Variants in HYI observed in about 807,000 individuals in gnomAD.
HYI encodes the protein putative hydroxypyruvate isomerase.
Under a neutral mutation model 39.7 loss-of-function variants are expected in HYI, and 47 were observed. That is an observed-to-expected ratio of 1.18 (90% CI 0.94 to 1.51). The LOEUF is 1.51. Ranked by LOEUF, HYI falls within the 40% of genes most tolerant of loss-of-function variation. The probability of loss-of-function intolerance (pLI) is 0.00; values close to 1 mark genes in which losing one functional copy is unlikely to be tolerated. For missense variants in HYI, 465 were observed against 370.3 expected (o/e 1.26, Z -2.10); for synonymous variants, 186 against 158.8 (o/e 1.17, Z -1.29).
Position 43,451,200 on chromosome 1 carries a change from A to C in HYI, c.*38T>G. On this transcript the variant is annotated 3_prime_UTR_variant, in exon 8 of 8. Coordinates refer to ENST00000372430, the MANE Select transcript of HYI (RefSeq NM_001190880.3). ...AATGCAGAGGAGGAGATGGGATGTC[A>C]CTCGCTGTCTGGAGGCACGTGGGTG... 1.3e-6 allele frequency: 2 copies of C among 1,584,306 alleles called. No homozygotes were observed. Among genetic ancestry groups the C allele is most frequent in the Non-Finnish European group, 1.7e-6 (2 of 1,153,010 alleles).
chr1:43,452,344 C>G, intron 2 of HYI, 25 bp from the exon 3 acceptor site: 2 of 1,546,144 alleles, frequency 1.3e-6, no homozygotes, highest in Non-Finnish European at 1.8e-6. Context: ...GACTGGAGGC[C>G]TTGCCTCCCT....
At chr1:43,453,557 C>G in intron 1 of HYI, 38 bp downstream of exon 1, 1 of 1,512,300 alleles carries the variant, frequency 6.6e-7, no homozygotes, top group Non-Finnish European at 8.9e-7. Flanking sequence ...CGCCCCGGCA[C>G]CCCCCAGCCC....
chr1:43,451,850 G>C lies in HYI; in HGVS notation c.506-3C>G. 5.0e-6 allele frequency: 8 copies of C among 1,614,086 alleles called. No individual in the cohort carries two copies. Among genetic ancestry groups the C allele is most frequent in the Non-Finnish European group, 6.8e-6 (8 of 1,179,964 alleles). The stretch of plus-strand genomic sequence containing the variant: ...TACCTTCTGTAAGATGGCTGCCGCT[G>C]TAAGAGAAGCCAGGGAGGGGACCGT... On this transcript the variant is annotated splice_polypyrimidine_tract_variant and splice_region_variant and intron_variant, in intron 4 of 7. Coordinates refer to ENST00000372430, the MANE Select transcript of HYI (RefSeq NM_001190880.3).
Position 43,451,153 on chromosome 1 carries a change from CAA to C in HYI, c.*83_*84del. 2.4e-6 allele frequency: 3 copies of C among 1,254,038 alleles called. No homozygotes were observed. The highest frequency in any genetic ancestry group is 3.5e-6 in the Non-Finnish European group (3 of 853,004). 77.7% of individuals were successfully genotyped at this position (1,254,038 alleles called of 1,614,324 possible). Reference sequence around the variant, plus strand: ...ACCACCCCATTACAGAGACATATGACAATGTTCAGCAGGTCATCTTTAATGCA... The same window carrying C: ...ACCACCCCATTACAGAGACATATGACTGTTCAGCAGGTCATCTTTAATGCA... On this transcript the variant is annotated 3_prime_UTR_variant, in exon 8 of 8. Transcript: ENST00000372430.
chr1:43,453,406 G>A lies in HYI; in HGVS notation c.291C>T (p.Ala97=), dbSNP rs545302537. ...GGTACCTGGGACAGCCCAGGGCTTT[G>A]GCATACCGCACGGCCTGCTCCAGTC... The part of the protein sequence containing the change: ...REGLEQAVRY[A]KALGCPRIHL... The change falls in exon 2 of 8, where the codon GCC becomes GCT. Residue 97 remains alanine (A), a synonymous_variant. Coordinates refer to ENST00000372430, the MANE Select transcript of HYI (RefSeq NM_001190880.3). 1.9e-6 allele frequency: 3 copies of A among 1,556,536 alleles called. No homozygotes were observed. Among genetic ancestry groups the A allele is most frequent in the Non-Finnish European group, 2.6e-6 (3 of 1,149,260 alleles).
chr1:43,453,107 C>G (rs1342303385), intron 2 of HYI: 1 of 751,560 alleles, frequency 1.3e-6, no homozygotes, highest in Admixed American at 2.0e-5. Context: ...TAGGCCTGTC[C>G]TCAAATGCAT....
At position 43,451,780 on chromosome 1, in the gene HYI, G is replaced by T. The variant is rs755090595; in HGVS notation, c.555+18C>A. 7 of 1,614,066 alleles carry T rather than the reference G, an allele frequency of 4.3e-6. No individual in the cohort carries two copies. The South Asian group carries it at 7.7e-5, about 18-fold the overall frequency. Reference sequence around the variant, plus strand: ...CCCCGCCCTCCTTCCGATCTGCGAAGTACCCCCTTCCACTTACCATTTGTA... The same window carrying T: ...CCCCGCCCTCCTTCCGATCTGCGAATTACCCCCTTCCACTTACCATTTGTA... On this transcript the variant is annotated intron_variant, in intron 5 of 7. Transcript: ENST00000372430.
Position 43,451,680 on chromosome 1 carries a change from G to C in HYI, c.593C>G (p.Thr198Arg), listed in dbSNP as rs756553934. The change falls in exon 6 of 8, where the codon ACA becomes AGA. Residue 198 changes from threonine to arginine, a missense_variant. Thr to Arg is a moderately conservative substitution (Grantham distance 71). Transcript: ENST00000372430. Reference sequence around the variant, plus strand: ...GGGCAGGAACTCCCGGATGTTTCCTGTCAGGTTCCCATCCATGATCTGCCA... The same window carrying C: ...GGGCAGGAACTCCCGGATGTTTCCTCTCAGGTTCCCATCCATGATCTGCCA... ...FHWQIMDGNLTGNIREFLPIV... is the reference protein window; with the variant it reads ...FHWQIMDGNLRGNIREFLPIV... 4.3e-6 allele frequency: 7 copies of C among 1,614,074 alleles called. No individual in the cohort carries two copies. Among genetic ancestry groups the C allele is most frequent in the South Asian group, 3.3e-5 (3 of 91,074 alleles).
chr1:43,451,193 G>A lies in HYI; in HGVS notation c.*45C>T. Reference sequence around the variant, plus strand: ...CATCTTTAATGCAGAGGAGGAGATGGGATGTCACTCGCTGTCTGGAGGCAC... The same window carrying A: ...CATCTTTAATGCAGAGGAGGAGATGAGATGTCACTCGCTGTCTGGAGGCAC... On this transcript the variant is annotated 3_prime_UTR_variant, in exon 8 of 8. Transcript: ENST00000372430. 3 of 1,540,348 alleles carry A rather than the reference G, an allele frequency of 1.9e-6. No individual in the cohort carries two copies. The highest frequency in any genetic ancestry group is 2.7e-6 in the Non-Finnish European group (3 of 1,112,840).
At chr1:43,452,901 A>C in intron 2 of HYI, 3 of 1,598,286 alleles carry the variant, frequency 1.9e-6, no homozygotes, top group Non-Finnish European at 1.7e-6. Flanking sequence ...CAGGCTACAT[A>C]CATGTCCAGC....
Position 43,451,954 on chromosome 1 carries a change from G to A in HYI, c.486C>T (p.Phe162=), listed in dbSNP as rs374964265. The part of the protein sequence containing the change: ...INTRITDPQY[F]LDTPQQAAAI... ...TCGTACCCTGCTGGGGCGTGTCCAG[G>A]AAGTACTGGGGGTCAGTGATGCGGG... The change falls in exon 4 of 8, where the codon TTC becomes TTT. Residue 162 remains phenylalanine (F), a synonymous_variant. Transcript: ENST00000372430. 10 of 1,612,104 alleles carry A rather than the reference G, an allele frequency of 6.2e-6. No homozygotes were observed. Among genetic ancestry groups the A allele is most frequent in the Middle Eastern group, 3.3e-4 (2 of 6,078 alleles).
In HYI at chr1:43,453,423, G is replaced by C. The variant is rs762168706; in HGVS notation, c.274C>G (p.Gln92Glu). ...AGGGCTTTGGCATACCGCACGGCCT[G>C]CTCCAGTCCCTCTCGGAAGGCCGCC... ...RQAAFREGLE[Q>E]AVRYAKALGC... is the part of the protein sequence containing the mutation. Residue 92 changes from glutamine to glutamate, a missense_variant, in exon 2 of 8, where the codon CAG becomes GAG. Transcript: ENST00000372430. 1 of 1,560,846 alleles carries C rather than the reference G, an allele frequency of 6.4e-7. No homozygotes were observed. Among genetic ancestry groups the C allele is most frequent in the East Asian group, 2.4e-5 (1 of 41,560 alleles).
chr1:43,453,564 G>A (rs1292173976), intron 1 of HYI, 31 bp downstream of exon 1: 6 of 1,512,354 alleles, frequency 4.0e-6, no homozygotes, highest in Admixed American at 4.2e-5. Flanking sequence ...GCACCCCCCA[G>A]CCCTCCCAGC....
chr1:43,452,985 C>T (rs1442552446), intron 2 of HYI: 1 of 1,600,276 alleles, frequency 6.2e-7, no homozygotes, highest in Admixed American at 1.7e-5. Context: ...AACTTCCTGC[C>T]CATCAAGCAA....
intron 1 of HYI, 47 bp from the exon 2 acceptor site, chr1:43,453,544 C>A: frequency 6.6e-7 from 1 of 1,523,264 alleles, no homozygotes; most frequent in Non-Finnish European, 8.8e-7. Context: ...ACTCCCCTGC[C>A]CGCGCCCCGG....
At position 43,453,671 on chromosome 1, in the gene HYI, G is replaced by A. The variant is rs1656713256; in HGVS notation, c.123C>T (p.Tyr41=). 2.7e-6 allele frequency: 4 copies of A among 1,480,176 alleles called. No homozygotes were observed. The highest frequency in any genetic ancestry group is 2.7e-6 in the Non-Finnish European group (3 of 1,123,746). 91.7% of individuals were successfully genotyped at this position (1,480,176 alleles called of 1,614,324 possible). ...GFEAVEVAWP[Y]AETPEALARA... is the part of the protein sequence containing the mutation. Reference sequence around the variant, plus strand: ...GCGCCAGCGCCTCAGGCGTCTCCGCGTACGGCCAGGCCACCTCGACGGCCT... The same window carrying A: ...GCGCCAGCGCCTCAGGCGTCTCCGCATACGGCCAGGCCACCTCGACGGCCT... Residue 41 remains tyrosine (Y), a synonymous_variant, in exon 1 of 8, where the codon TAC becomes TAT. Coordinates refer to ENST00000372430, the MANE Select transcript of HYI (RefSeq NM_001190880.3).
At chr1:43,450,649 C>G (rs1054332761), downstream of HYI, 7 of 1,040,068 alleles carry the variant, frequency 6.7e-6, no homozygotes, top group Admixed American at 9.7e-5. The surrounding 1 kb of genome is among the most constrained non-coding windows in gnomAD (Gnocchi z 4.3). Context: ...CCCAGCCTGG[C>G]AGCAGGAACC....
In HYI at chr1:43,451,263, C is replaced by T. The variant is rs746820056; in HGVS notation, c.809G>A (p.Arg270Gln). ...TCACTGGCCAGCCTCTGGGTGGCCC[C>T]GCCTATCCCAGTATGAACGTAGCCA... ...LSWLRSYWDR[R>Q]GHPEAGQ The change falls in exon 8 of 8, where the codon CGG becomes CAG. Residue 270 changes from arginine to glutamine, a missense_variant. Physicochemically the swap from Arg to Gln is conservative, Grantham distance 43 (BLOSUM62 1). Coordinates refer to ENST00000372430, the MANE Select transcript of HYI (RefSeq NM_001190880.3). 22 of 1,613,974 alleles carry T rather than the reference C, an allele frequency of 1.4e-5. No homozygotes were observed. The highest frequency in any genetic ancestry group is 5.5e-5 in the South Asian group (5 of 91,096).
chr1:43,450,653 A>G, downstream of HYI: 1 of 1,013,164 alleles, frequency 9.9e-7, no homozygotes, highest in Non-Finnish European at 1.4e-6. The surrounding 1 kb of genome is among the most constrained non-coding windows in gnomAD (Gnocchi z 4.3). Context: ...GCCTGGCAGC[A>G]GGAACCGCCC....
Sources: allele counts gnomAD v4.1 joint callset, GRCh38; gene constraint gnomAD v4.1.1; non-coding constraint Gnocchi (gnomAD v3.1); transcripts MANE v1.5; gene names NCBI Gene and HGNC (gene_info 2026-07-23, HGNC 2026-07-21).